The following JOSD2 variants were observed in gnomAD, a reference collection of about 807,000 sequenced individuals.
The protein encoded by JOSD2 is Josephin domain containing 2.
In JOSD2, 20 loss-of-function variants were observed where a neutral mutation model predicts 19.3. That is an observed-to-expected ratio of 1.04 (90% CI 0.73 to 1.51). JOSD2 has a LOEUF of 1.51. JOSD2 is among the 40% of genes most tolerant of loss of function. The pLI is 0.00. For missense variants in JOSD2, 215 were observed against 250.4 expected (o/e 0.86, Z 0.95); for synonymous variants, 118 against 123.7 (o/e 0.95, Z 0.31).
At chr19:50,506,807 ACCCACCCACC>A (rs1979388998) in intron 3 of JOSD2, among the ~76,000 whole-genome samples, 2 of 20,412 alleles carry the variant, frequency 9.8e-5, no homozygotes, top group African/African-American at 3.5e-4. Flanking sequence ...CCGTCCACCC[ACCCACCCACC>A]GTCCACCCAA....
At chr19:50,509,737 C>T (rs1356784260) in intron 2 of JOSD2, among the ~76,000 whole-genome samples, 1 of 151,770 alleles carries the variant, frequency 6.6e-6, no homozygotes, top group African/African-American at 2.4e-5. Context: ...GAGTTCAAGA[C>T]CAGCCAGACC....
chr19:50,507,417 C>T (rs1979440605), intron 3 of JOSD2, among the ~76,000 whole-genome samples, 157 bp downstream of exon 3: 1 of 152,034 alleles, frequency 6.6e-6, no homozygotes. Flanking sequence ...AGCCCATCGA[C>T]CACCTGATCT....
chr19:50,506,854 A>G (rs1979393708), intron 3 of JOSD2, among the ~76,000 whole-genome samples: 1 of 131,682 alleles, frequency 7.6e-6, no homozygotes, highest in African/African-American at 2.9e-5. Flanking sequence ...ACCAACCACC[A>G]TCACCCTGTC....
intron 1 of JOSD2, among the ~76,000 whole-genome samples, chr19:50,510,775 CTG>C (rs1228204511): frequency 6.6e-6 from 1 of 152,054 alleles, no homozygotes; most frequent in East Asian, 1.9e-4. Context: ...CCAGGGCGCT[CTG>C]TGGTTACCTA....
intron 2 of JOSD2, chr19:50,508,140 C>G (rs932998528): frequency 2.6e-5 from 6 of 229,758 alleles, no homozygotes; most frequent in African/African-American, 1.4e-4. Context: ...CTGGCCCTCT[C>G]CTGCTCTCAG....
At chr19:50,510,634 A>G (rs1979745597) in intron 1 of JOSD2, among the ~76,000 whole-genome samples, 186 bp from the exon 2 acceptor site, 1 of 151,886 alleles carries the variant, frequency 6.6e-6, no homozygotes, top group East Asian at 1.9e-4. Flanking sequence ...CCTTATTCCT[A>G]TTCCTACGAA....
chr19:50,506,358 A>G lies in JOSD2; in HGVS notation c.467+20T>C, dbSNP rs770310147. The G allele has an allele frequency of 1.4e-5, 22 of 1,604,062 alleles. No individual in the cohort carries two copies. The highest frequency in any genetic ancestry group is 1.8e-5 in the Non-Finnish European group (21 of 1,175,386). On this transcript the variant is annotated intron_variant, in intron 4 of 4. Coordinates refer to ENST00000598418, the MANE Select transcript of JOSD2 (RefSeq NM_001270639.2). ...GGGGTTTCAGGCCCCTGGTCTTGGA[A>G]TCGCCTCTGTGGGGCTCACCTGACT...
intron 3 of JOSD2, 92 bp from the exon 4 acceptor site, chr19:50,506,664 T>A: frequency 8.2e-7 from 1 of 1,221,544 alleles, no homozygotes; most frequent in Non-Finnish European, 1.1e-6. Context: ...CTGGTGGTGG[T>A]GAGGGCCTCC....
In JOSD2 at chr19:50,506,236, G is replaced by C. The variant is rs770479330; in HGVS notation, c.504C>G (p.Cys168Trp). The C allele has an allele frequency of 8.7e-6, 14 of 1,612,618 alleles. No individual in the cohort carries two copies. The highest frequency in any genetic ancestry group is 1.7e-5 in the Admixed American group (1 of 59,986). ...CCTTGGTCACTACCAGCAGCACCTC[G>C]CACAGGCCCTGGGCCAGCGCAGCCG... ...FLAAALAQGL[C>W]EVLLVVTKEV... Residue 168 changes from cysteine (C) to tryptophan (W), a missense_variant, in exon 5 of 5, where the codon TGC (cysteine) becomes TGG (tryptophan). Transcript: ENST00000598418.
chr19:50,506,894 A>G (rs1475576468), intron 3 of JOSD2, among the ~76,000 whole-genome samples: 2 of 140,894 alleles, frequency 1.4e-5, no homozygotes, highest in East Asian at 4.2e-4. Context: ...CAACTTACCA[A>G]CTCCTCACAC....
rs560416076 is a variant in JOSD2 at position 50,506,622 on chromosome 19, G to C, written c.273-50C>G. On this transcript the variant is annotated intron_variant, in intron 3 of 4. Transcript: ENST00000598418. ...GCCATCAGGGCCTGCTCCGCCCGCC[G>C]GTGAAATGTTGCTGAACATGTGGGG... is the stretch of plus-strand genomic sequence containing the variant. The C allele has an allele frequency of 8.4e-5, 121 of 1,444,226 alleles. No individual in the cohort carries two copies. In the Middle Eastern group the frequency reaches 1.6e-3, roughly 19 times the overall value. 89.5% of individuals were successfully genotyped at this position (1,444,226 alleles called of 1,614,324 possible).
chr19:50,508,638 C>A (rs1979532096), intron 2 of JOSD2, among the ~76,000 whole-genome samples: 1 of 149,810 alleles, frequency 6.7e-6, no homozygotes, highest in African/African-American at 2.5e-5. Flanking sequence ...TGCCTCTGAA[C>A]AGCTGCACCT....
At chr19:50,507,439 C>T in intron 3 of JOSD2, 135 bp downstream of exon 3, 1 of 1,241,676 alleles carries the variant, frequency 8.1e-7, no homozygotes, top group East Asian at 2.4e-5. Flanking sequence ...CCCCTTTCAA[C>T]CCATCAGTGC....
In JOSD2 at chr19:50,508,130, C is replaced by T. The variant is rs537306716; in HGVS notation, c.147-431G>A. Reference sequence around the variant, plus strand: ...CCCTCCAGTCCATTCCCACACGGCCCTGGCCCTCTCCTGCTCTCAGCTCTC... The same window carrying T: ...CCCTCCAGTCCATTCCCACACGGCCTTGGCCCTCTCCTGCTCTCAGCTCTC... On this transcript the variant is annotated intron_variant, in intron 2 of 4. Coordinates refer to ENST00000598418, the MANE Select transcript of JOSD2 (RefSeq NM_001270639.2). 32 of 252,716 alleles carry T rather than the reference C, an allele frequency of 1.3e-4. 1 individual carries two copies. In the Middle Eastern group the frequency reaches 5.9e-3, roughly 47 times the overall value. The allele number at this position is 252,716 out of a possible 1,614,324, so 15.7% of individuals were successfully genotyped here.
intron 3 of JOSD2, among the ~76,000 whole-genome samples, chr19:50,507,068 C>T (rs955417708): frequency 4.1e-5 from 6 of 148,094 alleles, no homozygotes; most frequent in African/African-American, 1.5e-4. Flanking sequence ...CCACCATCAC[C>T]ATCCAACTAG....
chr19:50,507,532 C>T lies in JOSD2; in HGVS notation c.272+42G>A, dbSNP rs969977040. 3.8e-6 allele frequency: 6 copies of T among 1,573,930 alleles called. No homozygotes were observed. The African/African-American group carries it at 5.4e-5, about 14-fold the overall frequency. On this transcript the variant is annotated intron_variant, in intron 3 of 4. Transcript: ENST00000598418. ...ACAGGCTCACACTATAGGGTGCCCT[C>T]TGTGCCCGGCCCAGCACATGCTGTG...
At chr19:50,510,895 T>G (rs761943707) in intron 1 of JOSD2, among the ~76,000 whole-genome samples, 1 of 151,592 alleles carries the variant, frequency 6.6e-6, no homozygotes, top group Non-Finnish European at 1.5e-5. Context: ...TCCCCTCTGG[T>G]CTCCTAGCAA....
rs1979444178 is a variant in JOSD2, at chr19:50,507,454, C to T, written c.272+120G>A. On this transcript the variant is annotated intron_variant, in intron 3 of 4. Transcript: ENST00000598418. ...CCCCTTTCAACCCATCAGTGCCAGG[C>T]TTCCCACATTCATGCCAACCTCCCC... The T allele has an allele frequency of 2.2e-6, 3 of 1,377,238 alleles. No individual in the cohort carries two copies. The South Asian group carries it at 4.1e-5, about 19-fold the overall frequency. The allele number at this position is 1,377,238 out of a possible 1,614,324, so 85.3% of individuals were successfully genotyped here. A position where few individuals can be genotyped will look rare whatever the true frequency, so the allele number is the denominator to read the frequency against.
chr19:50,509,097 G>T (rs1038143464), intron 2 of JOSD2, among the ~76,000 whole-genome samples: 1 of 140,448 alleles, frequency 7.1e-6, no homozygotes, highest in Non-Finnish European at 1.5e-5. Flanking sequence ...AGATGGTAAA[G>T]GAGTGATTTT....
Sources: allele counts gnomAD v4.1 joint callset (sites outside exome capture counted in the v4.1 genomes callset), GRCh38; gene constraint gnomAD v4.1.1; transcripts MANE v1.5; gene names NCBI Gene and HGNC (gene_info 2026-07-23, HGNC 2026-07-21).